The following P3H2 variants were observed in gnomAD, a reference collection of about 807,000 sequenced individuals.
P3H2 encodes the protein prolyl 3-hydroxylase 2.
P3H2 carries 80 observed loss-of-function variants against 87.0 expected under a neutral mutation model. The observed-to-expected ratio is 0.92, with a 90% CI of 0.77 to 1.11. The LOEUF (loss-of-function observed/expected upper bound fraction) is 1.11, where lower values mean the gene tolerates loss of function less well. Ranked by LOEUF, P3H2 falls within the 50% of genes least tolerant of loss-of-function variation. The probability of loss-of-function intolerance (pLI) is 0.00; values close to 1 mark genes in which losing one functional copy is unlikely to be tolerated. For synonymous variants in P3H2, 367 were observed against 359.3 expected (o/e 1.02, Z -0.24); for missense variants, 1,001 against 923.9 (o/e 1.08, Z -1.08).
In P3H2 at chr3:190,120,733, C is replaced by T; in HGVS notation, c.-2G>A. ...CGGCGCCCAGATGCGCTCCCGCATC[C>T]TCCGCCTCAGAGAGGCGCGGGACGG... On this transcript the variant is annotated 5_prime_UTR_variant, in exon 1 of 15. Transcript: ENST00000319332. 1 of 1,520,184 alleles carries T rather than the reference C, an allele frequency of 6.6e-7. No individual in the cohort carries two copies. The highest frequency in any genetic ancestry group is 8.8e-7 in the Non-Finnish European group (1 of 1,141,234). 94.2% of individuals were successfully genotyped at this position (1,520,184 alleles called of 1,614,324 possible).
At position 190,053,854 on chromosome 3, in the gene P3H2, A is replaced by G. The variant is rs112474391; in HGVS notation, c.481-58412T>C. 3.1e-3 allele frequency among the ~76,000 whole-genome samples: 469 copies of G among 152,278 alleles called. 3 individuals are homozygous for G. Among genetic ancestry groups the G allele is most frequent in the African/African-American group, 0.011 (441 of 41,540 alleles). On this transcript the variant is annotated intron_variant, in intron 1 of 14. Transcript: ENST00000319332. ...GTTTATGTATTTTATTTTCTAATCAAGACGTATTTTTCAAATCCAGAGTTA... is the reference window on the plus strand; with the variant it reads ...GTTTATGTATTTTATTTTCTAATCAGGACGTATTTTTCAAATCCAGAGTTA...
At chr3:189,969,718 C>T (rs1723112833) in intron 13 of P3H2, 5 of 1,469,480 alleles carry the variant, frequency 3.4e-6, no homozygotes, top group Non-Finnish European at 4.8e-6. Flanking sequence ...TTTTTATCTT[C>T]CCCAAAATTA....
chr3:189,976,525 C>T (rs998572831), intron 8 of P3H2, among the ~76,000 whole-genome samples: 2 of 152,166 alleles, frequency 1.3e-5, no homozygotes, highest in African/African-American at 2.4e-5. Flanking sequence ...CCTGGCCCTG[C>T]CCTTGACATA....
chr3:190,059,680 C>T lies in P3H2; in HGVS notation c.480+60572G>A, dbSNP rs1395391523. Among the ~76,000 whole-genome samples the T allele has an allele frequency of 3.3e-5, 5 of 152,100 alleles. No individual in the cohort carries two copies. The East Asian group carries it at 9.6e-4, about 29-fold the overall frequency. ...CACCAATTCCCACGAATGCTGGCCT[C>T]CTCATCCTGGTAGCATCTTTAGGAT... On this transcript the variant is annotated intron_variant, in intron 1 of 14. Transcript: ENST00000319332.
Position 190,120,649 on chromosome 3 carries a change from T to A in P3H2, c.83A>T (p.Asp28Val). ...LPPPLWGGPPDSPRRELELEP... is the reference protein window; with the variant it reads ...LPPPLWGGPPVSPRRELELEP... Reference sequence around the variant, plus strand: ...CAGCTCCAGCTCCCGGCGTGGGCTGTCCGGGGGGCCGCCCCACAGTGGCGG... The same window carrying A: ...CAGCTCCAGCTCCCGGCGTGGGCTGACCGGGGGGCCGCCCCACAGTGGCGG... Residue 28 changes from aspartate (D) to valine (V), a missense_variant, in exon 1 of 15, where the codon GAC becomes GTC. Coordinates refer to ENST00000319332, the MANE Select transcript of P3H2 (RefSeq NM_018192.4). The A allele has an allele frequency of 1.3e-6, 2 of 1,527,124 alleles. No homozygotes were observed. Among genetic ancestry groups the A allele is most frequent in the Non-Finnish European group, 1.7e-6 (2 of 1,144,488 alleles). The allele number at this position is 1,527,124 out of a possible 1,614,324, so 94.6% of individuals were successfully genotyped here.
At chr3:189,970,303 T>C (rs1382454071) in intron 13 of P3H2, among the ~76,000 whole-genome samples, 3 of 143,286 alleles carry the variant, frequency 2.1e-5, no homozygotes, top group Non-Finnish European at 4.5e-5. Flanking sequence ...ATATTTTTTA[T>C]ATATATAATA....
intron 1 of P3H2, among the ~76,000 whole-genome samples, chr3:190,020,082 T>C (rs1162313300): frequency 7.5e-6 from 1 of 133,418 alleles, no homozygotes; most frequent in African/African-American, 2.6e-5. Context: ...GTTGGTCTAC[T>C]GCTGAAATAT....
chr3:190,073,749 A>C (rs1340579812), intron 1 of P3H2, among the ~76,000 whole-genome samples: 3 of 152,200 alleles, frequency 2.0e-5, no homozygotes, highest in African/African-American at 7.2e-5. Context: ...TATGCTTTTA[A>C]AAGAAGAGAT....
chr3:190,080,910 C>G (rs1250029355), intron 1 of P3H2, among the ~76,000 whole-genome samples: 3 of 152,174 alleles, frequency 2.0e-5, no homozygotes, highest in Admixed American at 2.0e-4. Context: ...AAGAAATATG[C>G]TGCTCTTTCT....
intron 1 of P3H2, among the ~76,000 whole-genome samples, chr3:190,015,427 ACTCAGAGCCCC>A (rs1724721790): frequency 6.6e-6 from 1 of 152,168 alleles, no homozygotes; most frequent in African/African-American, 2.4e-5. Context: ...AACAAGCCTT[ACTCAGAGCCCC>A]CTTGGCTCTG....
At chr3:190,115,527 G>A (rs1712256837) in intron 1 of P3H2, among the ~76,000 whole-genome samples, 2 of 151,786 alleles carry the variant, frequency 1.3e-5, no homozygotes, top group South Asian at 2.1e-4. Flanking sequence ...TTCCAGAATT[G>A]TGCATGAAAC....
intron 12 of P3H2, 57 bp from the exon 13 acceptor site, chr3:189,970,948 A>G (rs1723160638): frequency 5.1e-6 from 5 of 971,840 alleles, no homozygotes; most frequent in Admixed American, 1.7e-5. Flanking sequence ...GAGCATGGTC[A>G]TAGAATACTG....
At chr3:189,987,198 G>A (rs1482913220) in intron 5 of P3H2, among the ~76,000 whole-genome samples, 3 of 152,208 alleles carry the variant, frequency 2.0e-5, no homozygotes, top group Non-Finnish European at 4.4e-5. Flanking sequence ...TTTCAGGCCA[G>A]GCGCGGTGGC....
At chr3:190,082,838 T>C (rs1366669410) in intron 1 of P3H2, among the ~76,000 whole-genome samples, 1 of 152,164 alleles carries the variant, frequency 6.6e-6, no homozygotes, top group Admixed American at 6.5e-5. Context: ...GGGAAGAATA[T>C]AATTACCTTG....
At chr3:190,083,953 T>C (rs1489150579) in intron 1 of P3H2, among the ~76,000 whole-genome samples, 1 of 152,342 alleles carries the variant, frequency 6.6e-6, no homozygotes, top group Non-Finnish European at 1.5e-5. Flanking sequence ...TTCTTCTAGG[T>C]TAAGAGTCTA....
At chr3:190,084,870 TA>T (rs1250224872) in intron 1 of P3H2, among the ~76,000 whole-genome samples, 1 of 151,872 alleles carries the variant, frequency 6.6e-6, no homozygotes, top group Non-Finnish European at 1.5e-5. Context: ...TGGTGTAAGA[TA>T]GTATGTACAT....
Position 189,973,140 on chromosome 3 carries a change from G to A in P3H2, c.1549-116C>T, listed in dbSNP as rs1433639576. ...ATTGTCATGTCTGTATTGACTAATG[G>A]GGAAGGCTACTACATATTTGTGGAT... On this transcript the variant is annotated intron_variant, in intron 10 of 14. Coordinates refer to ENST00000319332, the MANE Select transcript of P3H2 (RefSeq NM_018192.4). 3.4e-6 allele frequency: 3 copies of A among 876,326 alleles called. No homozygotes were observed. In the African/African-American group the frequency reaches 5.1e-5, roughly 15 times the overall value. The allele number at this position is 876,326 out of a possible 1,614,324, so 54.3% of individuals were successfully genotyped here.
chr3:190,042,501 T>C (rs2108955704), intron 1 of P3H2, among the ~76,000 whole-genome samples: 2 of 152,238 alleles, frequency 1.3e-5, no homozygotes, highest in South Asian at 4.1e-4. Context: ...TTGTGGAATA[T>C]ATCAAAGTAT....
At chr3:190,086,841 A>C (rs1356883794) in intron 1 of P3H2, among the ~76,000 whole-genome samples, 1 of 152,200 alleles carries the variant, frequency 6.6e-6, no homozygotes, top group South Asian at 2.1e-4. Context: ...AATCTGAAAG[A>C]CCAAGTATTT....
Sources: allele counts gnomAD v4.1 joint callset (sites outside exome capture counted in the v4.1 genomes callset), GRCh38; gene constraint gnomAD v4.1.1; transcripts MANE v1.5; gene names NCBI Gene and HGNC (gene_info 2026-07-23, HGNC 2026-07-21).